Variants in FAM234A observed in about 807,000 individuals in gnomAD.
FAM234A encodes protein FAM234A.
FAM234A carries 42 observed loss-of-function variants against 49.1 expected under a neutral mutation model. That is an observed-to-expected ratio of 0.86 (90% confidence interval 0.67 to 1.11). The LOEUF is 1.11. Among genes scored for constraint, FAM234A ranks in the 50% least tolerant of loss-of-function variants. The probability of loss-of-function intolerance (pLI) is 0.00; values close to 1 mark genes in which losing one functional copy is unlikely to be tolerated. For synonymous variants in FAM234A, 369 were observed against 316.2 expected, an observed-to-expected ratio of 1.17 and a Z score of -1.77; for missense variants, 815 against 745.2, an observed-to-expected ratio of 1.09 and a Z score of -1.09.
intron 9 of FAM234A, 88 bp from the exon 10 acceptor site, chr16:263,612 C>A: frequency 1.5e-6 from 2 of 1,303,372 alleles, no homozygotes; most frequent in Non-Finnish European, 2.2e-6. Context: ...CCATGGGAGA[C>A]TGAGGGGCGG....
chr16:261,314 C>A, intron 5 of FAM234A, 70 bp from the exon 6 acceptor site: 1 of 1,555,658 alleles, frequency 6.4e-7, no homozygotes, highest in South Asian at 1.2e-5. Context: ...CTGTCACAGG[C>A]CTTGCAGTTG....
At chr16:250,040 G>A (rs940440390) in intron 2 of FAM234A, among the ~76,000 whole-genome samples, 6 of 152,158 alleles carry the variant, frequency 3.9e-5, no homozygotes, top group African/African-American at 1.4e-4. Context: ...CCACCTCCCG[G>A]GTTCACGCCG....
chr16:259,469 G>T lies in FAM234A; in HGVS notation c.269-14G>T. The T allele has an allele frequency of 1.4e-6, 2 of 1,473,978 alleles. No individual in the cohort carries two copies. Among genetic ancestry groups the T allele is most frequent in the Admixed American group, 1.7e-5 (1 of 59,570 alleles). The allele number at this position is 1,473,978 out of a possible 1,614,324, so 91.3% of individuals were successfully genotyped here. ...CATGGCCCGCGGAGTATAGTCTGTG[G>T]TTTTCTCTTTCAGTTATCTATGACT... On this transcript the variant is annotated splice_polypyrimidine_tract_variant and intron_variant, in intron 3 of 12. Transcript: ENST00000399932.
chr16:242,560 A>G (rs961764952), intron 1 of FAM234A, among the ~76,000 whole-genome samples: 2 of 149,910 alleles, frequency 1.3e-5, no homozygotes, highest in African/African-American at 4.9e-5. Context: ...ATAACCATAT[A>G]TGAGGTATTG....
In FAM234A at chr16:259,566, A is replaced by G. The variant is rs2051374080; in HGVS notation, c.352A>G (p.Ser118Gly). The G allele has an allele frequency of 1.2e-6, 2 of 1,611,726 alleles. No individual in the cohort carries two copies. The highest frequency in any genetic ancestry group is 1.7e-6 in the Non-Finnish European group (2 of 1,177,754). Reference protein sequence around the residue: ...VLFLYKNTNSSNNFSRSCVDE... With the variant: ...VLFLYKNTNSGNNFSRSCVDE... ...TTTTCTTTATAAAAACACCAACAGC[A>G]GCAACAATTTCAGCCGATCCTGTGT... Residue 118 changes from serine to glycine, a missense_variant, in exon 4 of 13, where the codon AGC (serine) becomes GGC (glycine). Physicochemically the swap from Ser to Gly is moderately conservative, Grantham distance 56. Transcript: ENST00000399932.
intron 3 of FAM234A, among the ~76,000 whole-genome samples, chr16:256,444 G>T (rs1351014540): frequency 6.6e-6 from 1 of 152,030 alleles, no homozygotes; most frequent in African/African-American, 2.4e-5. Context: ...CCCTCTTTTC[G>T]TGTGAGTTTT....
chr16:262,010 A>G, intron 6 of FAM234A, 83 bp from the exon 7 acceptor site: 9 of 976,500 alleles, frequency 9.2e-6, no homozygotes, highest in Non-Finnish European at 1.2e-5. Flanking sequence ...CCCCAGGCTC[A>G]GGTCCTTCTC....
intron 4 of FAM234A, 76 bp downstream of exon 4, chr16:259,675 T>C: frequency 1.1e-6 from 1 of 944,286 alleles, no homozygotes. Context: ...CCCTCTCGCT[T>C]TCAGTGTTTG....
downstream of FAM234A, chr16:268,857 G>C: frequency 6.4e-7 from 1 of 1,550,440 alleles, no homozygotes; most frequent in Non-Finnish European, 8.7e-7. Context: ...CTTGTGACGG[G>C]TGTGTGGGAA....
chr16:268,356 G>A (rs942045433), downstream of FAM234A: 4 of 288,190 alleles, frequency 1.4e-5, no homozygotes, highest in Admixed American at 9.2e-5. Context: ...GCTGGACGCT[G>A]TTGGGAGTGA....
intron 3 of FAM234A, among the ~76,000 whole-genome samples, chr16:257,612 T>A (rs1391073183): frequency 6.6e-6 from 1 of 152,086 alleles, no homozygotes; most frequent in Non-Finnish European, 1.5e-5. Flanking sequence ...CCCGTTTTTT[T>A]TTTCTAAGAG....
Position 265,604 on chromosome 16 carries a change from G to A in FAM234A, c.*582G>A, listed in dbSNP as rs529919898. The stretch of plus-strand genomic sequence containing the variant: ...GAGCTACAGGGGGATCCTCTAGCAT[G>A]GGGGGTGTGACTTGGTTCCTTTGAC... On this transcript the variant is annotated 3_prime_UTR_variant, in exon 13 of 13. Transcript: ENST00000399932. 2.0e-6 allele frequency: 2 copies of A among 985,734 alleles called. No homozygotes were observed. Among genetic ancestry groups the A allele is most frequent in the East Asian group, 1.1e-4 (1 of 8,816 alleles). The allele number at this position is 985,734 out of a possible 1,614,324, so 61.1% of individuals were successfully genotyped here.
chr16:257,788 C>G (rs2051294008), intron 3 of FAM234A, among the ~76,000 whole-genome samples: 1 of 152,100 alleles, frequency 6.6e-6, no homozygotes, highest in Non-Finnish European at 1.5e-5. Context: ...GAGTTCAAGG[C>G]CAGCCTGGGC....
Position 265,238 on chromosome 16 carries a change from C to T in FAM234A, c.*216C>T, listed in dbSNP as rs1033855631. 15 of 1,381,162 alleles carry T rather than the reference C, an allele frequency of 1.1e-5. No individual in the cohort carries two copies. In the African/African-American group the frequency reaches 2.0e-4, roughly 19 times the overall value. 85.6% of individuals were successfully genotyped at this position (1,381,162 alleles called of 1,614,324 possible). On this transcript the variant is annotated 3_prime_UTR_variant, in exon 13 of 13. Transcript: ENST00000399932. Reference sequence around the variant, plus strand: ...CTGGGCCTCTCTCCCGCCCAGCATCCTCCCTGAGTCCCCACACAGGGCCTC... The same window carrying T: ...CTGGGCCTCTCTCCCGCCCAGCATCTTCCCTGAGTCCCCACACAGGGCCTC...
At chr16:260,760 G>A (rs1325117191) in intron 5 of FAM234A, 1 of 417,760 alleles carries the variant, frequency 2.4e-6, no homozygotes. Flanking sequence ...TTAAGGATAT[G>A]GAGGAGAATA....
intron 2 of FAM234A, among the ~76,000 whole-genome samples, chr16:252,597 G>T (rs1217302063): frequency 6.6e-6 from 1 of 152,094 alleles, no homozygotes; most frequent in Admixed American, 6.6e-5. Flanking sequence ...CACAGCAGCG[G>T]CATCATTTTA....
Position 262,079 on chromosome 16 carries a change from C to T in FAM234A, c.709-14C>T, listed in dbSNP as rs1226484333. The T allele has an allele frequency of 6.2e-7, 1 of 1,612,952 alleles. No homozygotes were observed. Among genetic ancestry groups the T allele is most frequent in the African/African-American group, 1.3e-5 (1 of 74,860 alleles). On this transcript the variant is annotated splice_polypyrimidine_tract_variant and intron_variant, in intron 6 of 12. Transcript: ENST00000399932. ...CAGGTCCCTCTCTTCCTGTGTCATC[C>T]TGTGTCATTGCAGGTTAGTGGCCAC...
At position 262,563 on chromosome 16, in the gene FAM234A, G is replaced by A; in HGVS notation, c.971+10G>A. On this transcript the variant is annotated intron_variant, in intron 8 of 12. Transcript: ENST00000399932. ...GGATGCTTTCCCACAGGTGGGTCCG[G>A]GCCGCAGCCTTTCTCCATGCAGAGC... 6.3e-7 allele frequency: 1 copy of A among 1,576,350 alleles called. No homozygotes were observed. The highest frequency in any genetic ancestry group is 8.6e-7 in the Non-Finnish European group (1 of 1,164,160).
chr16:269,225 G>C, downstream of FAM234A: 1 of 1,358,242 alleles, frequency 7.4e-7, no homozygotes, highest in Non-Finnish European at 1.0e-6. Context: ...ATTCACGCAG[G>C]ACGTTGAGCT....
Sources: gnomAD v4.1 joint callset for allele counts (sites outside exome capture counted in the v4.1 genomes callset) on GRCh38, gnomAD v4.1.1 for gene constraint, MANE v1.5 for transcripts, NCBI Gene and HGNC (gene_info 2026-07-23, HGNC 2026-07-21) for gene names.